The following RIPOR1 variants were observed in gnomAD, a reference collection of about 807,000 sequenced individuals.
The protein encoded by RIPOR1 is RHO family interacting cell polarization regulator 1.
RIPOR1 carries 58 observed loss-of-function variants against 116.5 expected under a neutral mutation model. The ratio of observed to expected loss-of-function variants is 0.50; its 90% CI spans 0.40 to 0.62. RIPOR1 has a LOEUF of 0.62. Ranked by LOEUF, RIPOR1 falls within the 20% of genes least tolerant of loss-of-function variation. The probability of loss-of-function intolerance (pLI) is 0.00; values close to 1 mark genes in which losing one functional copy is unlikely to be tolerated. For synonymous variants in RIPOR1, 605 were observed against 650.0 expected (o/e 0.93, Z 1.05); for missense variants, 1,372 against 1,586.2 (o/e 0.86, Z 2.29).
At chr16:67,538,152 C>G (rs975801801) in intron 1 of RIPOR1, 1 of 374,178 alleles carries the variant, frequency 2.7e-6, no homozygotes, top group African/African-American at 2.1e-5. Context: ...AGGGTCCCCG[C>G]GCGACCCCCC....
rs994306820 is a variant in RIPOR1, at chr16:67,541,350, A to G, written c.802-80A>G. 4.0e-6 allele frequency: 6 copies of G among 1,503,926 alleles called. No homozygotes were observed. The highest frequency in any genetic ancestry group is 4.5e-6 in the Non-Finnish European group (5 of 1,110,808). 93.2% of individuals were successfully genotyped at this position (1,503,926 alleles called of 1,614,324 possible). On this transcript the variant is annotated intron_variant, in intron 10 of 21. Transcript: ENST00000042381. The surrounding 1 kb of genome is among the most constrained non-coding windows in gnomAD (Gnocchi z 4.6). ...CTCCCATGACCATTTTATAAGTTCT[A>G]TGCAAATTCAGACCTCAGATTTCCC...
In RIPOR1 at chr16:67,545,929, G is replaced by C; in HGVS notation, c.3388-20G>C. On this transcript the variant is annotated intron_variant, in intron 19 of 21. Coordinates refer to ENST00000042381, the MANE Select transcript of RIPOR1 (RefSeq NM_024519.4). The surrounding 1 kb of genome is among the most constrained non-coding windows in gnomAD (Gnocchi z 4.8). The stretch of plus-strand genomic sequence containing the variant: ...GGACTCCCACTGTCTGGCTAAGTCT[G>C]TCCTCCCACCCTTCCACAGGCCCTC... The C allele has an allele frequency of 6.2e-7, 1 of 1,613,842 alleles. No homozygotes were observed. The highest frequency in any genetic ancestry group is 8.5e-7 in the Non-Finnish European group (1 of 1,179,888).
At position 67,543,358 on chromosome 16, in the gene RIPOR1, G is replaced by A; in HGVS notation, c.2489G>A (p.Gly830Asp). 1.2e-6 allele frequency: 2 copies of A among 1,606,946 alleles called. No homozygotes were observed. Among genetic ancestry groups the A allele is most frequent in the African/African-American group, 1.3e-5 (1 of 74,982 alleles). The stretch of plus-strand genomic sequence containing the variant: ...CCTTCACAACCTCAGCAGAGACAAG[G>A]TCTGACTCGCAGCCGGGCCTCCAGT... The part of the protein sequence containing the change: ...RLESLLMQRQ[G>D]LTRSRASSLS... The change falls in exon 14 of 22, where the codon GGT becomes GAT. Residue 830 changes from glycine (G) to aspartate (D), a missense_variant. Physicochemically the swap from Gly to Asp is moderately conservative, Grantham distance 94. Transcript: ENST00000042381. This position sits in a 1 kb window ranked among gnomAD's most constrained non-coding sequence, Gnocchi z 4.7.
Position 67,529,564 on chromosome 16 carries a change from G to C in RIPOR1, c.-24+650G>C. On this transcript the variant is annotated intron_variant, in intron 1 of 21. Coordinates refer to ENST00000042381, the MANE Select transcript of RIPOR1 (RefSeq NM_024519.4). This position sits in a 1 kb window ranked among gnomAD's most constrained non-coding sequence, Gnocchi z 4.1. ...CCTGGGCTCTCTGCAGAACTGGTTT[G>C]GGCAAGGGGCTGCTCACCAGGGCTA... is the stretch of plus-strand genomic sequence containing the variant. 1.8e-6 allele frequency: 1 copy of C among 552,700 alleles called. No homozygotes were observed. Among genetic ancestry groups the C allele is most frequent in the Non-Finnish European group, 3.2e-6 (1 of 310,560 alleles). 34.2% of individuals were successfully genotyped at this position (552,700 alleles called of 1,614,324 possible).
Position 67,542,901 on chromosome 16 carries a change from C to T in RIPOR1, c.2115C>T (p.Pro705=). 1 of 1,609,876 alleles carries T rather than the reference C, an allele frequency of 6.2e-7. No homozygotes were observed. The change falls in exon 13 of 22, where the codon CCC becomes CCT. Residue 705 remains proline, a synonymous_variant. Transcript: ENST00000042381. This position sits in a 1 kb window ranked among gnomAD's most constrained non-coding sequence, Gnocchi z 4.6. The part of the protein sequence containing the change: ...DPTLPGTDSL[P]CSPPVSNSYT... ...CCCTCCCAGGCACTGACTCCCTTCC[C>T]TGTAGTCCCCCAGTCTCCAATTCCT... is the stretch of plus-strand genomic sequence containing the variant.
Position 67,540,719 on chromosome 16 carries a change from C to T in RIPOR1, c.801+15C>T. Reference sequence around the variant, plus strand: ...TGTCTATTAAGGTGATGTCTCTGCCCAGGACGGCAGGCCACCATGGCCCTG... The same window carrying T: ...TGTCTATTAAGGTGATGTCTCTGCCTAGGACGGCAGGCCACCATGGCCCTG... On this transcript the variant is annotated intron_variant, in intron 10 of 21. Transcript: ENST00000042381. This position sits in a 1 kb window ranked among gnomAD's most constrained non-coding sequence, Gnocchi z 4.7. 6.4e-7 allele frequency: 1 copy of T among 1,565,670 alleles called. No individual in the cohort carries two copies. The highest frequency in any genetic ancestry group is 8.7e-7 in the Non-Finnish European group (1 of 1,155,942).
At chr16:67,533,420 CG>C (rs927995609) in intron 1 of RIPOR1, among the ~76,000 whole-genome samples, 11 of 152,040 alleles carry the variant, frequency 7.2e-5, no homozygotes, top group African/African-American at 2.7e-4. Context: ...AAGGCCCATT[CG>C]GGGATGGGAG....
chr16:67,538,446 TATG>T lies in RIPOR1; in HGVS notation c.4_6del (p.Met2?). The T allele has an allele frequency of 6.2e-7, 1 of 1,604,180 alleles. No homozygotes were observed. The highest frequency in any genetic ancestry group is 8.5e-7 in the Non-Finnish European group (1 of 1,175,766). On this transcript the variant is annotated start_lost and inframe_deletion, in exon 2 of 22. Transcript: ENST00000042381. ...CAGGGAGCCCCGCGCGGACTCACTC[TATG>T]ATGTCCCTGTCGGTGCGGCCGCAGC...
chr16:67,544,175 C>T lies in RIPOR1; in HGVS notation c.2601-124C>T. The T allele has an allele frequency of 7.9e-7, 1 of 1,271,758 alleles. No homozygotes were observed. Among genetic ancestry groups the T allele is most frequent in the Non-Finnish European group, 1.1e-6 (1 of 922,952 alleles). 78.8% of individuals were successfully genotyped at this position (1,271,758 alleles called of 1,614,324 possible). ...CTGGAAATCCTCCATGAACTTACCC[C>T]ACTGTCTGCTGTCGGTGCATCATCT... On this transcript the variant is annotated intron_variant, in intron 14 of 21. Transcript: ENST00000042381. This position sits in a 1 kb window ranked among gnomAD's most constrained non-coding sequence, Gnocchi z 5.1.
rs141675117 is a variant in RIPOR1, at chr16:67,544,765, G to C, written c.2804G>C (p.Arg935Pro). The C allele has an allele frequency of 6.2e-7, 1 of 1,610,338 alleles. No individual in the cohort carries two copies. Among genetic ancestry groups the C allele is most frequent in the Non-Finnish European group, 8.5e-7 (1 of 1,177,542 alleles). The change falls in exon 16 of 22, where the codon CGA (arginine) becomes CCA (proline). Residue 935 changes from arginine (R) to proline (P), a missense_variant. By Grantham distance (103) the Arg-to-Pro change is moderately radical. Around this residue, in one of 3 missense-constraint regions of RIPOR1, gnomAD observed 1,005 missense variants for 1,144.7 expected, o/e 0.88. Transcript: ENST00000042381. The surrounding 1 kb of genome is among the most constrained non-coding windows in gnomAD (Gnocchi z 5.1). ...WALERLLREA[R>P]VLEAVCEFSR... is the part of the protein sequence containing the mutation. ...CTGGAGCGGCTGCTGCGGGAAGCCC[G>C]AGTACTGGAGGCAGTATGCGAGTTC...
chr16:67,537,665 G>T lies in RIPOR1; in HGVS notation c.-23-759G>T. ...CAGGGGAAGCAGGCCGGGTTTGGGGGCCAGGAGTGTGTGTTTCGCCGAAGC... is the reference window on the plus strand; with the variant it reads ...CAGGGGAAGCAGGCCGGGTTTGGGGTCCAGGAGTGTGTGTTTCGCCGAAGC... On this transcript the variant is annotated intron_variant, in intron 1 of 21. Transcript: ENST00000042381. This position sits in a 1 kb window ranked among gnomAD's most constrained non-coding sequence, Gnocchi z 4.6. 8.8e-7 allele frequency: 1 copy of T among 1,132,908 alleles called. No homozygotes were observed. Among genetic ancestry groups the T allele is most frequent in the South Asian group, 2.3e-5 (1 of 43,278 alleles). The allele number at this position is 1,132,908 out of a possible 1,614,324, so 70.2% of individuals were successfully genotyped here. A position where few individuals can be genotyped will look rare whatever the true frequency, so the allele number is the denominator to read the frequency against.
At position 67,545,853 on chromosome 16, in the gene RIPOR1, G is replaced by A. The variant is rs370768036; in HGVS notation, c.3380G>A (p.Arg1127Gln). ...LRSLSLGPTF[R>Q]ERALLCFLDQ... ...AGCCTGTCACTGGGCCCTACCTTCC[G>A]GGAGAGGGTGAGTTGGACAGGGCTC... Residue 1127 changes from arginine to glutamine, a missense_variant, in exon 19 of 22, where the codon CGG becomes CAG. Arg to Gln is a conservative substitution (Grantham distance 43, BLOSUM62 1). Coordinates refer to ENST00000042381, the MANE Select transcript of RIPOR1 (RefSeq NM_024519.4). This position sits in a 1 kb window ranked among gnomAD's most constrained non-coding sequence, Gnocchi z 4.8. The A allele has an allele frequency of 1.3e-4, 204 of 1,607,172 alleles. 2 individuals are homozygous for A. The South Asian group carries it at 2.0e-3, about 15-fold the overall frequency.
chr16:67,541,886 A>T lies in RIPOR1; in HGVS notation c.1100A>T (p.Glu367Val). 6.2e-7 allele frequency: 1 copy of T among 1,609,230 alleles called. No homozygotes were observed. ...QAFYNMLRRQEELENGTAWSL... is the reference protein window; with the variant it reads ...QAFYNMLRRQVELENGTAWSL... Reference sequence around the variant, plus strand: ...TCTCAGAACATGCTGCGACGGCAGGAGGAGCTGGAGAATGGGACAGCATGG... The same window carrying T: ...TCTCAGAACATGCTGCGACGGCAGGTGGAGCTGGAGAATGGGACAGCATGG... The change falls in exon 13 of 22, where the codon GAG becomes GTG. Residue 367 changes from glutamate to valine, a missense_variant. Around this residue, in one of 3 missense-constraint regions of RIPOR1, gnomAD observed 1,005 missense variants for 1,144.7 expected, o/e 0.88. Transcript: ENST00000042381. The surrounding 1 kb of genome is among the most constrained non-coding windows in gnomAD (Gnocchi z 4.6).
intron 1 of RIPOR1, among the ~76,000 whole-genome samples, chr16:67,534,883 C>T (rs1373426693): frequency 2.1e-5 from 3 of 141,304 alleles, no homozygotes; most frequent in Non-Finnish European, 4.5e-5. Flanking sequence ...CGCTCTGTCA[C>T]CCAGCCTGGA....
upstream of RIPOR1, among the ~76,000 whole-genome samples, chr16:67,524,559 T>G (rs924551300): frequency 6.6e-6 from 1 of 152,162 alleles, no homozygotes; most frequent in Non-Finnish European, 1.5e-5. Flanking sequence ...TGGTGGTCCC[T>G]AGATCCCTCA....
Position 67,544,765 on chromosome 16 carries a change from G to A in RIPOR1, c.2804G>A (p.Arg935Gln), listed in dbSNP as rs141675117. The change falls in exon 16 of 22, where the codon CGA (arginine) becomes CAA (glutamine). Residue 935 changes from arginine (R) to glutamine (Q), a missense_variant. By Grantham distance (43) the Arg-to-Gln change is conservative. Transcript: ENST00000042381. This position sits in a 1 kb window ranked among gnomAD's most constrained non-coding sequence, Gnocchi z 5.1. ...WALERLLREA[R>Q]VLEAVCEFSR... ...CTGGAGCGGCTGCTGCGGGAAGCCC[G>A]AGTACTGGAGGCAGTATGCGAGTTC... 1.3e-4 allele frequency: 210 copies of A among 1,610,338 alleles called. No individual in the cohort carries two copies. In the African/African-American group the frequency reaches 2.0e-3, roughly 15 times the overall value.
In RIPOR1 at chr16:67,537,467, C is replaced by T. The variant is rs1279974595; in HGVS notation, c.-23-957C>T. On this transcript the variant is annotated intron_variant, in intron 1 of 21. Coordinates refer to ENST00000042381, the MANE Select transcript of RIPOR1 (RefSeq NM_024519.4). This position sits in a 1 kb window ranked among gnomAD's most constrained non-coding sequence, Gnocchi z 4.6. ...GGGCGGCGCCGGGAGGAGCCGAAGC[C>T]GAGCCAGAGCCGCTGGGAGCGAGCC... 1.6e-6 allele frequency: 2 copies of T among 1,246,424 alleles called. No homozygotes were observed. Among genetic ancestry groups the T allele is most frequent in the East Asian group, 3.2e-5 (1 of 31,352 alleles). 77.2% of individuals were successfully genotyped at this position (1,246,424 alleles called of 1,614,324 possible). A position where few individuals can be genotyped will look rare whatever the true frequency, so the allele number is the denominator to read the frequency against.
In RIPOR1 at chr16:67,540,839, A is replaced by G; in HGVS notation, c.801+135A>G. On this transcript the variant is annotated intron_variant, in intron 10 of 21. Transcript: ENST00000042381. This position sits in a 1 kb window ranked among gnomAD's most constrained non-coding sequence, Gnocchi z 4.7. The stretch of plus-strand genomic sequence containing the variant: ...GTGAAGATATGATTCCATGACCTTC[A>G]TGATCTCTGTGGCCCTGAGAGGAAC... 4.1e-6 allele frequency: 4 copies of G among 976,132 alleles called. No homozygotes were observed. The highest frequency in any genetic ancestry group is 1.6e-5 in the South Asian group (1 of 60,762). The allele number at this position is 976,132 out of a possible 1,614,324, so 60.5% of individuals were successfully genotyped here.
chr16:67,525,569 A>G (rs187915366), upstream of RIPOR1, among the ~76,000 whole-genome samples: 53 of 152,040 alleles, frequency 3.5e-4, 1 homozygote, highest in East Asian at 8.7e-3. Context: ...CTTGAACTGC[A>G]TTACTTCTGA....
Sources: allele counts gnomAD v4.1 joint callset (sites outside exome capture counted in the v4.1 genomes callset), GRCh38; gene constraint gnomAD v4.1.1; regional missense constraint gnomAD v4.1.1; non-coding constraint Gnocchi (gnomAD v3.1); transcripts MANE v1.5; gene names NCBI Gene and HGNC (gene_info 2026-07-23, HGNC 2026-07-21).